The following TMED1 variants were observed in gnomAD, a reference collection of about 807,000 sequenced individuals.
The protein encoded by TMED1 is transmembrane emp24 domain-containing protein 1.
In TMED1, 20 loss-of-function variants were observed where a neutral mutation model predicts 21.2. The ratio of observed to expected loss-of-function variants is 0.95; its 90% confidence interval spans 0.67 to 1.37. TMED1 has a LOEUF of 1.37. TMED1 is among the 40% of genes most tolerant of loss of function. The pLI, the probability that TMED1 is intolerant of heterozygous loss-of-function variation, is 0.00. For synonymous variants in TMED1, 149 were observed against 134.7 expected (o/e 1.11, Z -0.74); for missense variants, 316 against 309.8 (o/e 1.02, Z -0.15).
At chr19:10,834,322 C>T (rs1015806729) in intron 3 of TMED1, among the ~76,000 whole-genome samples, 1 of 152,108 alleles carries the variant, frequency 6.6e-6, no homozygotes, top group African/African-American at 2.4e-5. Context: ...CTCACTTTCT[C>T]CACCTGTAAA....
rs1163229905 is a variant in TMED1 at position 10,832,819 on chromosome 19, G to A, written c.*176C>T. 1.4e-6 allele frequency: 1 copy of A among 695,074 alleles called. No individual in the cohort carries two copies. The highest frequency in any genetic ancestry group is 1.8e-5 in the South Asian group (1 of 54,684). 43.1% of individuals were successfully genotyped at this position (695,074 alleles called of 1,614,324 possible). ...AGCCACTGAGCCGTCCCTTCTACAA[G>A]CCAGAGGTGTTCCCTGCCCGCTGAG... is the stretch of plus-strand genomic sequence containing the variant. On this transcript the variant is annotated 3_prime_UTR_variant, in exon 4 of 4. Coordinates refer to ENST00000214869, the MANE Select transcript of TMED1 (RefSeq NM_006858.4).
At position 10,833,163 on chromosome 19, in the gene TMED1, G is replaced by A. The variant is rs142246182; in HGVS notation, c.516C>T (p.Leu172=). The A allele has an allele frequency of 8.7e-6, 14 of 1,613,894 alleles. No homozygotes were observed. The highest frequency in any genetic ancestry group is 1.3e-5 in the African/African-American group (1 of 75,060). ...RTRLERSIQM[L]TLLRAFEARD... The stretch of plus-strand genomic sequence containing the variant: ...GTGCCTCGAAGGCCCGCAGTAGCGT[G>A]AGCATCTGGATGCTGCGCTCCAGCC... The change falls in exon 4 of 4, where the codon CTC becomes CTT. Residue 172 remains leucine (L), a synonymous_variant. Coordinates refer to ENST00000214869, the MANE Select transcript of TMED1 (RefSeq NM_006858.4).
At chr19:10,835,642 T>G in intron 1 of TMED1, 1 of 1,403,428 alleles carries the variant, frequency 7.1e-7, no homozygotes, top group South Asian at 1.5e-5. Context: ...CGAAAGAGGA[T>G]AGGCCCAGCC....
Position 10,832,367 on chromosome 19 carries a change from C to T in TMED1, c.*628G>A, listed in dbSNP as rs1388113691. On this transcript the variant is annotated 3_prime_UTR_variant, in exon 4 of 4. Transcript: ENST00000214869. ...GAGCTTCGTGGGAGGCCCCTCCCAC[C>T]TGTCTGGCTGCCCCCTCGGGGGCCG... 1.6e-6 allele frequency: 2 copies of T among 1,289,756 alleles called. No homozygotes were observed. The highest frequency in any genetic ancestry group is 2.0e-6 in the Non-Finnish European group (2 of 988,908). The allele number at this position is 1,289,756 out of a possible 1,614,324, so 79.9% of individuals were successfully genotyped here.
intron 3 of TMED1, 175 bp downstream of exon 3, chr19:10,834,759 G>A: frequency 1.4e-6 from 1 of 736,750 alleles, no homozygotes; most frequent in Non-Finnish European, 2.2e-6. Flanking sequence ...GGGATTACAG[G>A]CGTGAGCCAC....
intron 1 of TMED1, 27 bp downstream of exon 1, chr19:10,835,982 C>G (rs1042979019): frequency 1.3e-6 from 2 of 1,549,776 alleles, no homozygotes; most frequent in Non-Finnish European, 1.7e-6. Flanking sequence ...CCTGACTCTG[C>G]TGGCCGCCCA....
chr19:10,832,676 T>C lies in TMED1; in HGVS notation c.*319A>G. 1.7e-6 allele frequency: 1 copy of C among 586,024 alleles called. No individual in the cohort carries two copies. The highest frequency in any genetic ancestry group is 3.0e-6 in the Non-Finnish European group (1 of 329,940). The allele number at this position is 586,024 out of a possible 1,614,324, so 36.3% of individuals were successfully genotyped here. On this transcript the variant is annotated 3_prime_UTR_variant, in exon 4 of 4. Transcript: ENST00000214869. The stretch of plus-strand genomic sequence containing the variant: ...GGCCCTGCCCCGCACCAGGCAACGC[T>C]AACACAGGATGGGAGGCTTAGGCTA...
Position 10,834,965 on chromosome 19 carries a change from T to C in TMED1, c.434A>G (p.Glu145Gly). 6.2e-7 allele frequency: 1 copy of C among 1,614,120 alleles called. No individual in the cohort carries two copies. Among genetic ancestry groups the C allele is most frequent in the East Asian group, 2.2e-5 (1 of 44,880 alleles). ...GTCCTCCATTTTAACATCCAGCATC[T>C]CCTCGGGCTCCACAGCCTCTGCCCA... ...EGWAEAVEPE[E>G]MLDVKMEDIK... The change falls in exon 3 of 4, where the codon GAG becomes GGG. Residue 145 changes from glutamate to glycine, a missense_variant. Coordinates refer to ENST00000214869, the MANE Select transcript of TMED1 (RefSeq NM_006858.4).
Position 10,833,225 on chromosome 19 carries a change from CGGG to C in TMED1, c.466-15_466-13del. The C allele has an allele frequency of 6.2e-7, 1 of 1,603,492 alleles. No homozygotes were observed. The highest frequency in any genetic ancestry group is 1.3e-5 in the African/African-American group (1 of 74,740). On this transcript the variant is annotated splice_polypyrimidine_tract_variant and intron_variant, in intron 3 of 3. Transcript: ENST00000214869. ...GTCTCAATGGACTCCTACAGGGCAG[CGGG>C]AGGGGAAGGGTCAGGCCTCCCTCCA...
rs1181616390 is a variant in TMED1 at position 10,832,988 on chromosome 19, G to T, written c.*7C>A. 6.2e-7 allele frequency: 1 copy of T among 1,610,444 alleles called. No homozygotes were observed. Among genetic ancestry groups the T allele is most frequent in the Admixed American group, 1.7e-5 (1 of 60,016 alleles). On this transcript the variant is annotated 3_prime_UTR_variant, in exon 4 of 4. Transcript: ENST00000214869. ...CCTTTGTCCCGTTCTTCCTTCCATG[G>T]CAGGGGCTACGTGGGCACCGGGCGC...
Position 10,835,023 on chromosome 19 carries a change from C to CA in TMED1, c.375dup (p.Asp126Ter), listed in dbSNP as rs756932376. On this transcript the variant is annotated frameshift_variant, in exon 3 of 4. Transcript: ENST00000214869. LOFTEE classifies it high-confidence loss of function. Reference sequence around the variant, plus strand: ...ACCTCCTCGTCATCCTGGAGGCTGTCAAAGATCAGTTCAAAGAACACCAGC... The same window carrying CA: ...ACCTCCTCGTCATCCTGGAGGCTGTCAAAAGATCAGTTCAAAGAACACCAGC... The CA allele has an allele frequency of 6.2e-7, 1 of 1,614,194 alleles. No individual in the cohort carries two copies. The highest frequency in any genetic ancestry group is 1.1e-5 in the South Asian group (1 of 91,078).
At position 10,833,446 on chromosome 19, in the gene TMED1, G is replaced by A. The variant is rs933888270; in HGVS notation, c.466-233C>T. On this transcript the variant is annotated intron_variant, in intron 3 of 3. Transcript: ENST00000214869. Reference sequence around the variant, plus strand: ...TTCCTCTTCTATAAGCTTCCAAATTGCTGTGAACATTTAATGCCTAAATAA... The same window carrying A: ...TTCCTCTTCTATAAGCTTCCAAATTACTGTGAACATTTAATGCCTAAATAA... 5.2e-6 allele frequency: 3 copies of A among 580,078 alleles called. No homozygotes were observed. The African/African-American group carries it at 5.6e-5, about 11-fold the overall frequency. 35.9% of individuals were successfully genotyped at this position (580,078 alleles called of 1,614,324 possible). A position where few individuals can be genotyped will look rare whatever the true frequency, so the allele number is the denominator to read the frequency against.
In TMED1 at chr19:10,832,909, A is replaced by G. The variant is rs1244975665; in HGVS notation, c.*86T>C. 5 of 1,495,302 alleles carry G rather than the reference A, an allele frequency of 3.3e-6. No individual in the cohort carries two copies. The South Asian group carries it at 3.6e-5, about 11-fold the overall frequency. The allele number at this position is 1,495,302 out of a possible 1,614,324, so 92.6% of individuals were successfully genotyped here. A position where few individuals can be genotyped will look rare whatever the true frequency, so the allele number is the denominator to read the frequency against. On this transcript the variant is annotated 3_prime_UTR_variant, in exon 4 of 4. Transcript: ENST00000214869. ...CTGCACACTCCCGTTTTGGCAGGAA[A>G]CTAAAATTGGGGAGGGACCCCCAAG...
intron 3 of TMED1, 114 bp downstream of exon 3, chr19:10,834,820 A>G (rs1185945462): frequency 3.2e-6 from 4 of 1,235,300 alleles, no homozygotes; most frequent in East Asian, 2.3e-5. Flanking sequence ...TACTCTTACT[A>G]TAATTCAGTT....
intron 1 of TMED1, chr19:10,835,667 A>C: frequency 7.2e-7 from 1 of 1,393,194 alleles, no homozygotes; most frequent in East Asian, 2.7e-5. Context: ...TCCTTAGTCT[A>C]ACCCCCGAGA....
At position 10,832,786 on chromosome 19, in the gene TMED1, G is replaced by A. The variant is rs369057626; in HGVS notation, c.*209C>T. 3.4e-5 allele frequency: 21 copies of A among 616,966 alleles called. No individual in the cohort carries two copies. Among genetic ancestry groups the A allele is most frequent in the East Asian group, 3.0e-4 (11 of 36,328 alleles). 38.2% of individuals were successfully genotyped at this position (616,966 alleles called of 1,614,324 possible). A position where few individuals can be genotyped will look rare whatever the true frequency, so the allele number is the denominator to read the frequency against. ...CCCACCATGTGAGATTTCCAGGACC[G>A]TCGGTGCAGCCACTGAGCCGTCCCT... On this transcript the variant is annotated 3_prime_UTR_variant, in exon 4 of 4. Coordinates refer to ENST00000214869, the MANE Select transcript of TMED1 (RefSeq NM_006858.4).
At chr19:10,834,454 CT>C (rs769963664) in intron 3 of TMED1, among the ~76,000 whole-genome samples, 427 of 119,650 alleles carry the variant, frequency 3.6e-3, no homozygotes, top group Middle Eastern at 0.011. Context: ...AAATGAACTA[CT>C]TTTTTTTTTT....
chr19:10,835,223 C>T (rs1419359884), intron 2 of TMED1, 33 bp downstream of exon 2: 2 of 1,613,918 alleles, frequency 1.2e-6, no homozygotes, highest in Non-Finnish European at 1.7e-6. Flanking sequence ...AGGGCTGTAA[C>T]TGAACCCAGG....
At chr19:10,835,961 C>A in intron 1 of TMED1, 48 bp downstream of exon 1, 1 of 1,520,736 alleles carries the variant, frequency 6.6e-7, no homozygotes, top group Non-Finnish European at 8.8e-7. Flanking sequence ...CGCTTGGCCA[C>A]GCCCCCTCTC....
Sources: allele counts gnomAD v4.1 joint callset (sites outside exome capture counted in the v4.1 genomes callset), GRCh38; gene constraint gnomAD v4.1.1; transcripts MANE v1.5; gene names NCBI Gene and HGNC (gene_info 2026-07-23, HGNC 2026-07-21).